The following BICRAL variants were observed in gnomAD, a reference collection of about 807,000 sequenced individuals.
BICRAL encodes the protein BRD4-interacting chromatin-remodeling complex-associated protein-like.
Under a neutral mutation model 91.8 loss-of-function variants are expected in BICRAL, and 8 were observed. The observed-to-expected ratio is 0.09, with a 90% CI of 0.05 to 0.16. The LOEUF (loss-of-function observed/expected upper bound fraction) is 0.16, where lower values mean the gene tolerates loss of function less well. Among genes scored for constraint, BICRAL ranks in the 10% least tolerant of loss-of-function variants. The pLI is 1.00. For missense variants in BICRAL, 1,038 were observed against 1,310.9 expected (o/e 0.79, Z 3.21); for synonymous variants, 445 against 491.1 (o/e 0.91, Z 1.24).
rs536340761 is a variant in BICRAL at position 42,824,230 on chromosome 6, A to C, written c.159+1227A>C. Among the ~76,000 whole-genome samples, 21 of 136,496 alleles carry C rather than the reference A, an allele frequency of 1.5e-4. No homozygotes were observed. The South Asian group carries it at 5.5e-3, about 36-fold the overall frequency. 89.5% of individuals were successfully genotyped at this position (136,496 alleles called of 152,430 possible). A position where few individuals can be genotyped will look rare whatever the true frequency, so the allele number is the denominator to read the frequency against. On this transcript the variant is annotated intron_variant, in intron 5 of 12. Transcript: ENST00000314073. ...TGGCCACATAGGGAGACTCTGTCTC[A>C]AAAAAATAAAAAAAATAAAAATAAA... is the stretch of plus-strand genomic sequence containing the variant.
chr6:42,783,636 G>T (rs3800290), intron 1 of BICRAL, among the ~76,000 whole-genome samples: 51,604 of 152,046 alleles, frequency 0.34, 9,099 homozygotes, highest in South Asian at 0.44. Flanking sequence ...CTGGGGTCGC[G>T]CGGCCTTCTC....
At chr6:42,795,569 C>CCT (rs1371628768) in intron 1 of BICRAL, among the ~76,000 whole-genome samples, 4 of 152,170 alleles carry the variant, frequency 2.6e-5, no homozygotes, top group Non-Finnish European at 4.4e-5. Context: ...AATTACCTTA[C>CCT]TATCAAAAAT....
chr6:42,825,129 G>A (rs190956503), intron 5 of BICRAL, among the ~76,000 whole-genome samples: 83 of 152,014 alleles, frequency 5.5e-4, no homozygotes, highest in South Asian at 2.1e-4. Context: ...GCGTAGTGGC[G>A]TGTGCCTGTA....
At chr6:42,828,467 A>G in intron 5 of BICRAL, 26 bp from the exon 6 acceptor site, 1 of 1,571,216 alleles carries the variant, frequency 6.4e-7, no homozygotes, top group Non-Finnish European at 8.6e-7. Context: ...TACATATGCC[A>G]TGTAACATAC....
chr6:42,751,680 G>A (rs1472792051), intron 1 of BICRAL, among the ~76,000 whole-genome samples: 7 of 127,422 alleles, frequency 5.5e-5, no homozygotes, highest in Admixed American at 1.8e-4. Flanking sequence ...TTTTTGAGAC[G>A]GAGTTTTGCC....
intron 8 of BICRAL, among the ~76,000 whole-genome samples, chr6:42,855,088 A>C (rs879699749): frequency 2.6e-5 from 4 of 152,190 alleles, no homozygotes; most frequent in Non-Finnish European, 5.9e-5. Context: ...TTCTGAGATA[A>C]GGCCTATTTG....
intron 1 of BICRAL, among the ~76,000 whole-genome samples, chr6:42,747,878 C>G (rs1762309195): frequency 6.8e-6 from 1 of 147,260 alleles, no homozygotes; most frequent in Non-Finnish European, 1.5e-5. Context: ...GCGATCTCGG[C>G]TCACCGCTAT....
At position 42,862,515 on chromosome 6, in the gene BICRAL, C is replaced by T. The variant is rs1305274094; in HGVS notation, c.2355C>T (p.Ile785=). 1 of 1,597,146 alleles carries T rather than the reference C, an allele frequency of 6.3e-7. No homozygotes were observed. Among genetic ancestry groups the T allele is most frequent in the Non-Finnish European group, 8.6e-7 (1 of 1,165,334 alleles). The change falls in exon 12 of 13, where the codon ATC becomes ATT. Residue 785 remains isoleucine, a synonymous_variant. Transcript: ENST00000314073. ...RCLLLEDAMR[I]NPSAEMVMID... The stretch of plus-strand genomic sequence containing the variant: ...CTGGCCTCTCTCTTTTTCAGCGAAT[C>T]AATCCCTCTGCTGAGATGGTGATGA...
At chr6:42,794,984 A>G (rs1562465456) in intron 1 of BICRAL, among the ~76,000 whole-genome samples, 1 of 151,228 alleles carries the variant, frequency 6.6e-6, no homozygotes, top group Non-Finnish European at 1.5e-5. Flanking sequence ...GAAACTTACC[A>G]TAAGTCATGC....
At chr6:42,792,220 T>C (rs1355285196) in intron 1 of BICRAL, among the ~76,000 whole-genome samples, 4 of 152,136 alleles carry the variant, frequency 2.6e-5, no homozygotes, top group South Asian at 4.1e-4. Flanking sequence ...TTATAAAATA[T>C]TTTTCCTTCC....
chr6:42,793,193 G>T (rs560820117), intron 1 of BICRAL, among the ~76,000 whole-genome samples: 1 of 112,762 alleles, frequency 8.9e-6, no homozygotes, highest in African/African-American at 3.5e-5. Context: ...ACCCAGACTG[G>T]AGTGCATTGG....
At chr6:42,837,609 G>T (rs1047939786) in intron 6 of BICRAL, among the ~76,000 whole-genome samples, 1 of 151,934 alleles carries the variant, frequency 6.6e-6, no homozygotes, top group South Asian at 2.1e-4. Context: ...AAAATTAGCC[G>T]GATGTGGTGG....
At chr6:42,752,939 TG>T (rs1245823823) in intron 1 of BICRAL, among the ~76,000 whole-genome samples, 1 of 137,624 alleles carries the variant, frequency 7.3e-6, no homozygotes, top group African/African-American at 2.8e-5. Context: ...TTTTTTTGGT[TG>T]GGGGGGTACG....
chr6:42,780,184 C>T (rs540453547), upstream of BICRAL, among the ~76,000 whole-genome samples: 33 of 152,118 alleles, frequency 2.2e-4, no homozygotes, highest in Non-Finnish European at 4.3e-4. Context: ...GGATTACAGG[C>T]TTGAACCACT....
In BICRAL at chr6:42,828,909, G is replaced by A. The variant is rs200329698; in HGVS notation, c.576G>A (p.Val192=). 1.2e-6 allele frequency: 2 copies of A among 1,614,050 alleles called. No individual in the cohort carries two copies. The highest frequency in any genetic ancestry group is 1.7e-6 in the Non-Finnish European group (2 of 1,179,918). Residue 192 remains valine, a synonymous_variant, in exon 6 of 13, where the codon GTG becomes GTA. Transcript: ENST00000314073. ...VGVQHGFMQH[V]GISVPSQHLS... ...TACAACATGGCTTTATGCAACATGT[G>A]GGGATCAGTGTTCCCAGCCAGCATT...
intron 11 of BICRAL, 28 bp from the exon 12 acceptor site, chr6:42,862,482 T>C (rs886079347): frequency 4.3e-5 from 61 of 1,404,106 alleles, no homozygotes; most frequent in Non-Finnish European, 5.9e-5. Context: ...AAATTGTCTA[T>C]GAAATGACTG....
upstream of BICRAL, among the ~76,000 whole-genome samples, chr6:42,779,304 A>G (rs937865027): frequency 6.6e-6 from 1 of 151,752 alleles, no homozygotes; most frequent in Non-Finnish European, 1.5e-5. Context: ...CAACAGCTGT[A>G]AAACTTGCTT....
At position 42,792,375 on chromosome 6, in the gene BICRAL, C is replaced by G. The variant is rs564620873; in HGVS notation, c.-102+10274C>G. On this transcript the variant is annotated intron_variant, in intron 1 of 12. Transcript: ENST00000314073. ...CCATCTCGTGGGTTCAAGCAGCCCT[C>G]TCACCTCAGCCTCTACTGAGTAGCT... 1.7e-3 allele frequency among the ~76,000 whole-genome samples: 251 copies of G among 152,030 alleles called. 1 individual carries two copies. The highest frequency in any genetic ancestry group is 5.7e-3 in the African/African-American group (236 of 41,466).
chr6:42,761,714 C>T (rs1026664327), intron 1 of BICRAL, among the ~76,000 whole-genome samples: 5 of 151,666 alleles, frequency 3.3e-5, no homozygotes, highest in African/African-American at 1.2e-4. Context: ...TCAAGACCAG[C>T]CTGGACAACA....
Sources: allele counts gnomAD v4.1 joint callset (sites outside exome capture counted in the v4.1 genomes callset), GRCh38; gene constraint gnomAD v4.1.1; transcripts MANE v1.5; gene names NCBI Gene and HGNC (gene_info 2026-07-23, HGNC 2026-07-21).